The following POU2F2 variants were observed in gnomAD, a reference collection of about 807,000 sequenced individuals.
POU2F2 encodes POU domain, class 2, transcription factor 2.
In POU2F2, 14 loss-of-function variants were observed where a neutral mutation model predicts 63.5. The observed-to-expected ratio is 0.22, with a 90% CI of 0.15 to 0.34. The LOEUF (loss-of-function observed/expected upper bound fraction) is 0.34. Among genes scored for constraint, POU2F2 ranks in the 10% least tolerant of loss-of-function variants. The pLI is 1.00. For synonymous variants in POU2F2, 306 were observed against 348.6 expected (o/e 0.88, Z 1.36); for missense variants, 607 against 815.2 (o/e 0.74, Z 3.11).
intron 1 of POU2F2, among the ~76,000 whole-genome samples, chr19:42,171,742 T>C (rs1034293767): frequency 5.3e-5 from 8 of 152,150 alleles, no homozygotes; most frequent in African/African-American, 1.7e-4. Flanking sequence ...CAGTCTGCTC[T>C]TATACTTGCG....
chr19:42,181,463 T>C (rs2034959356), intron 1 of POU2F2, among the ~76,000 whole-genome samples: 1 of 152,268 alleles, frequency 6.6e-6, no homozygotes, highest in Non-Finnish European at 1.5e-5. Context: ...TCATTCTGCC[T>C]GTTCATCTTT....
rs1391039895 is a variant in POU2F2, at chr19:42,087,028, C to T, written c.*4229G>A. 1 of 151,910 alleles carries T rather than the reference C, an allele frequency of 6.6e-6. No individual in the cohort carries two copies. Among genetic ancestry groups the T allele is most frequent in the Non-Finnish European group, 1.5e-5 (1 of 67,986 alleles). 9.4% of individuals were successfully genotyped at this position (151,910 alleles called of 1,614,324 possible). On this transcript the variant is annotated 3_prime_UTR_variant, in exon 15 of 15. Transcript: ENST00000692977. ...AGACTGCTGAGGTCAAAGTTTAAAC[C>T]GCATGAAGGACTTGCGGCTTGGAGT...
At chr19:42,184,220 C>T (rs139204253) in intron 1 of POU2F2, among the ~76,000 whole-genome samples, 68 of 152,226 alleles carry the variant, frequency 4.5e-4, no homozygotes, top group African/African-American at 1.6e-3. Context: ...TTGAACTCCT[C>T]GGCTTAAGCG....
At position 42,130,207 on chromosome 19, in the gene POU2F2, G is replaced by A. The variant is rs535845647; in HGVS notation, c.28+2177C>T. On this transcript the variant is annotated intron_variant, in intron 1 of 14. Coordinates refer to ENST00000692977, the MANE Select transcript of POU2F2 (RefSeq NM_001394376.1). ...CAGTCACTCACAGACTCAGACATGT[G>A]TACGCACACATGTACTTACACATGT... 3.3e-3 allele frequency among the ~76,000 whole-genome samples: 500 copies of A among 152,170 alleles called. 2 individuals are homozygous for A. The highest frequency in any genetic ancestry group is 0.011 in the African/African-American group (442 of 41,502).
chr19:42,154,435 C>T (rs2034419238), intron 2 of POU2F2, among the ~76,000 whole-genome samples: 2 of 151,992 alleles, frequency 1.3e-5, no homozygotes, highest in African/African-American at 4.8e-5. Flanking sequence ...GAGAGCACGA[C>T]AGAGAGAGAC....
intron 1 of POU2F2, among the ~76,000 whole-genome samples, chr19:42,125,361 C>CAAA: frequency 1.1e-4 from 1 of 9,330 alleles, no homozygotes; most frequent in Admixed American, 1.3e-3. Context: ...GACTCTGTCT[C>CAAA]AAAAAAAAAA....
intron 1 of POU2F2, among the ~76,000 whole-genome samples, chr19:42,170,655 A>G (rs1383914756): frequency 1.3e-5 from 2 of 152,244 alleles, no homozygotes; most frequent in African/African-American, 4.8e-5. Flanking sequence ...ACAAAGTTCT[A>G]CGAAGGTAGG....
chr19:42,116,679 G>A (rs2031907764), intron 5 of POU2F2: 1 of 306,268 alleles, frequency 3.3e-6, no homozygotes, highest in African/African-American at 2.3e-5. Context: ...CTTCACTGCA[G>A]GGAGCCTGGT....
rs1402051632 is a variant in POU2F2, at chr19:42,124,349, G to A, written c.29-1773C>T. Among the ~76,000 whole-genome samples the A allele has an allele frequency of 6.0e-5, 9 of 150,600 alleles. No individual in the cohort carries two copies. In the South Asian group the frequency reaches 1.5e-3, roughly 25 times the overall value. ...AAAAAAAGAATGGAGCTAAAGTAAG[G>A]GATAAGAAATAGGAAGAACTCAGTA... On this transcript the variant is annotated intron_variant, in intron 1 of 14. Coordinates refer to ENST00000692977, the MANE Select transcript of POU2F2 (RefSeq NM_001394376.1).
intron 5 of POU2F2, among the ~76,000 whole-genome samples, chr19:42,100,232 C>T (rs1208969575): frequency 2.0e-5 from 3 of 150,470 alleles, no homozygotes; most frequent in Non-Finnish European, 4.4e-5. Flanking sequence ...GCTGGGACTA[C>T]AGGTGCCCGC....
chr19:42,122,301 C>G (rs766098924), intron 3 of POU2F2, 43 bp downstream of exon 3: 32 of 1,574,112 alleles, frequency 2.0e-5, no homozygotes, highest in Non-Finnish European at 2.6e-5. Context: ...ACCCCTCTCC[C>G]CATTCCTTCC....
Position 42,095,776 on chromosome 19 carries a change from G to C in POU2F2, c.871+12C>G. On this transcript the variant is annotated intron_variant, in intron 9 of 14. Coordinates refer to ENST00000692977, the MANE Select transcript of POU2F2 (RefSeq NM_001394376.1). This position sits in a 1 kb window ranked among gnomAD's most constrained non-coding sequence, Gnocchi z 7.1. ...GCCCGCCCCCTACGCGGGAACCCCA[G>C]CCTGGTCCCACCTGCATCGTTGAGC... is the stretch of plus-strand genomic sequence containing the variant. 1 of 1,613,896 alleles carries C rather than the reference G, an allele frequency of 6.2e-7. No homozygotes were observed.
At chr19:42,145,167 G>A (rs1247800580) in intron 2 of POU2F2, among the ~76,000 whole-genome samples, 1 of 152,226 alleles carries the variant, frequency 6.6e-6, no homozygotes, top group East Asian at 1.9e-4. Flanking sequence ...ATCCTGAAAT[G>A]ACCTTATAAA....
intron 5 of POU2F2, among the ~76,000 whole-genome samples, chr19:42,107,088 C>CT (rs2030212778): frequency 6.6e-6 from 1 of 152,094 alleles, no homozygotes; most frequent in African/African-American, 2.4e-5. Context: ...TGGCTCATGC[C>CT]TGTAATCCCA....
chr19:42,178,285 T>G (rs971711482), upstream of POU2F2, among the ~76,000 whole-genome samples: 1 of 148,888 alleles, frequency 6.7e-6, no homozygotes, highest in Non-Finnish European at 1.5e-5. Flanking sequence ...CACAGAGAAG[T>G]AGACACACAG....
chr19:42,123,886 C>T (rs1044830486), intron 1 of POU2F2, among the ~76,000 whole-genome samples: 4 of 152,124 alleles, frequency 2.6e-5, no homozygotes, highest in African/African-American at 9.7e-5. Context: ...CCCAACTGTC[C>T]TGAGATCCTG....
chr19:42,143,853 G>C (rs1429117537), intron 2 of POU2F2, among the ~76,000 whole-genome samples: 1 of 152,124 alleles, frequency 6.6e-6, no homozygotes, highest in East Asian at 1.9e-4. Flanking sequence ...CCTCCACAGA[G>C]AGGCCTTTTG....
chr19:42,115,107 G>A (rs1010855351), intron 5 of POU2F2, among the ~76,000 whole-genome samples: 1 of 151,818 alleles, frequency 6.6e-6, no homozygotes, highest in Non-Finnish European at 1.5e-5. Flanking sequence ...GCCATAATCC[G>A]CCACTGCACT....
Position 42,095,498 on chromosome 19 carries a change from G to A in POU2F2, c.1021-36C>T, listed in dbSNP as rs2076883997. The A allele has an allele frequency of 6.2e-7, 1 of 1,605,980 alleles. No homozygotes were observed. Among genetic ancestry groups the A allele is most frequent in the Non-Finnish European group, 8.5e-7 (1 of 1,176,386 alleles). On this transcript the variant is annotated intron_variant, in intron 10 of 14. Transcript: ENST00000692977. This position sits in a 1 kb window ranked among gnomAD's most constrained non-coding sequence, Gnocchi z 7.1. ...AGGGCTCGTTAGCCCGAGGCCCACC[G>A]CCCGCCACCCCTCAGGTGAGGGCCA...
Sources: allele counts gnomAD v4.1 joint callset (sites outside exome capture counted in the v4.1 genomes callset), GRCh38; gene constraint gnomAD v4.1.1; non-coding constraint Gnocchi (gnomAD v3.1); transcripts MANE v1.5; gene names NCBI Gene and HGNC (gene_info 2026-07-23, HGNC 2026-07-21).